HECTD4: variants seen among roughly 807,000 people sequenced by gnomAD.
HECTD4 encodes the protein probable E3 ubiquitin-protein ligase HECTD4.
In HECTD4, 114 loss-of-function variants were observed where a neutral mutation model predicts 471.5. The ratio of observed to expected loss-of-function variants is 0.24; its 90% confidence interval spans 0.21 to 0.28. HECTD4 has a LOEUF of 0.28. Among genes scored for constraint, HECTD4 ranks in the 10% least tolerant of loss-of-function variants. The pLI is 1.00. For missense variants in HECTD4, 3,866 were observed against 5,651.5 expected (o/e 0.68, Z 10.13); for synonymous variants, 2,012 against 2,256.0 (o/e 0.89, Z 3.07).
intron 49 of HECTD4, among the ~76,000 whole-genome samples, chr12:112,211,840 G>T (rs926151895): frequency 5.9e-5 from 9 of 152,168 alleles, no homozygotes; most frequent in African/African-American, 1.9e-4. Flanking sequence ...CTTTGGGTTT[G>T]GGGGAGAGTT....
Position 112,343,319 on chromosome 12 carries a change from A to T in HECTD4, c.178-23577T>A, listed in dbSNP as rs186070853. ...ATTATTTGACATTCTATTTCTTTGAACACTATTTCTAAATAAATTAATTAA... is the reference window on the plus strand; with the variant it reads ...ATTATTTGACATTCTATTTCTTTGATCACTATTTCTAAATAAATTAATTAA... On this transcript the variant is annotated intron_variant, in intron 1 of 75. Transcript: ENST00000682272. Among the ~76,000 whole-genome samples, 367 of 152,360 alleles carry T rather than the reference A, an allele frequency of 2.4e-3. 1 individual carries two copies. The highest frequency in any genetic ancestry group is 7.1e-3 in the African/African-American group (295 of 41,574).
At chr12:112,366,932 A>G (rs2036572354) in intron 1 of HECTD4, among the ~76,000 whole-genome samples, 2 of 146,804 alleles carry the variant, frequency 1.4e-5, no homozygotes, top group South Asian at 4.3e-4. Context: ...GCTTGTTACT[A>G]TTTTTTTTTT....
chr12:112,231,775 T>A (rs2033386974), intron 38 of HECTD4, 60 bp from the exon 39 acceptor site: 1 of 1,414,358 alleles, frequency 7.1e-7, no homozygotes, highest in Non-Finnish European at 9.7e-7. Flanking sequence ...ACTATATTTT[T>A]CAAGTCTATT....
Position 112,248,020 on chromosome 12 carries a change from C to T in HECTD4, c.4248+47G>A, listed in dbSNP as rs765191827. Reference sequence around the variant, plus strand: ...CACACACACACAGTATATACCTTTGCTCTCTAAATGGCAATACCCCAGTGA... The same window carrying T: ...CACACACACACAGTATATACCTTTGTTCTCTAAATGGCAATACCCCAGTGA... On this transcript the variant is annotated intron_variant, in intron 27 of 75. Coordinates refer to ENST00000682272, the MANE Select transcript of HECTD4 (RefSeq NM_001388303.1). 6 of 1,316,032 alleles carry T rather than the reference C, an allele frequency of 4.6e-6. 1 individual carries two copies. In the South Asian group the frequency reaches 6.2e-5, roughly 14 times the overall value. 81.5% of individuals were successfully genotyped at this position (1,316,032 alleles called of 1,614,324 possible).
At chr12:112,204,676 C>A in intron 52 of HECTD4, 53 bp from the exon 53 acceptor site, 1 of 1,388,184 alleles carries the variant, frequency 7.2e-7, no homozygotes, top group South Asian at 1.3e-5. Context: ...CACAGATCAA[C>A]CATGACACTG....
intron 54 of HECTD4, chr12:112,203,013 C>G (rs746044530): frequency 2.0e-5 from 3 of 152,132 alleles, no homozygotes; most frequent in African/African-American, 7.3e-5. Context: ...AACACTGACG[C>G]CATCACAGCT....
chr12:112,357,958 T>C (rs2036375144), intron 1 of HECTD4, among the ~76,000 whole-genome samples: 1 of 152,188 alleles, frequency 6.6e-6, no homozygotes, highest in African/African-American at 2.4e-5. Context: ...ATCCCAGCAC[T>C]TTGGGAAGCC....
intron 7 of HECTD4, chr12:112,302,695 T>A (rs2035190117): frequency 4.3e-6 from 2 of 464,152 alleles, no homozygotes; most frequent in Non-Finnish European, 7.6e-6. Flanking sequence ...GCCAGTTAGC[T>A]GTTTTTTAAC....
At position 112,239,318 on chromosome 12, in the gene HECTD4, T is replaced by A. The variant is rs1268329676; in HGVS notation, c.5106-82A>T. 1.1e-5 allele frequency: 13 copies of A among 1,215,908 alleles called. No homozygotes were observed. The highest frequency in any genetic ancestry group is 8.6e-5 in the South Asian group (5 of 58,324). 75.3% of individuals were successfully genotyped at this position (1,215,908 alleles called of 1,614,324 possible). A position where few individuals can be genotyped will look rare whatever the true frequency, so the allele number is the denominator to read the frequency against. On this transcript the variant is annotated intron_variant, in intron 33 of 75. Coordinates refer to ENST00000682272, the MANE Select transcript of HECTD4 (RefSeq NM_001388303.1). The surrounding 1 kb of genome is among the most constrained non-coding windows in gnomAD (Gnocchi z 4.9). ...CTCTCATGTGAGGTTCAAAGGGGCA[T>A]AAAACATGCTGGTGCAGCTCTTTCC...
chr12:112,267,271 C>A, intron 13 of HECTD4: 2 of 342,286 alleles, frequency 5.8e-6, no homozygotes, highest in South Asian at 4.5e-5. Context: ...CAAGGGTATA[C>A]GAGTAGCTGC....
chr12:112,299,485 T>C (rs900297885), intron 7 of HECTD4, among the ~76,000 whole-genome samples: 1 of 151,970 alleles, frequency 6.6e-6, no homozygotes, highest in Non-Finnish European at 1.5e-5. Flanking sequence ...TAGCCAGGCA[T>C]GGTGGCACGT....
intron 44 of HECTD4, among the ~76,000 whole-genome samples, chr12:112,224,179 C>G (rs1161885054): frequency 6.6e-6 from 1 of 152,072 alleles, no homozygotes; most frequent in Non-Finnish European, 1.5e-5. Context: ...GTTTTTATCA[C>G]TAACTGACAT....
In HECTD4 at chr12:112,256,309, T is replaced by C. The variant is rs2034008479; in HGVS notation, c.3327+11A>G. On this transcript the variant is annotated intron_variant, in intron 21 of 75. Transcript: ENST00000682272. Reference sequence around the variant, plus strand: ...CGAGGTGGAACCAATAGTAACCCAGTTCTTACTTACTTTGTCATAGTCATA... The same window carrying C: ...CGAGGTGGAACCAATAGTAACCCAGCTCTTACTTACTTTGTCATAGTCATA... 1.3e-6 allele frequency: 2 copies of C among 1,553,820 alleles called. No homozygotes were observed. Among genetic ancestry groups the C allele is most frequent in the African/African-American group, 1.4e-5 (1 of 72,238 alleles).
At position 112,243,461 on chromosome 12, in the gene HECTD4, C is replaced by T. The variant is rs1232527744; in HGVS notation, c.4850G>A (p.Arg1617His). ...AQTRWRRGNTRKQALVHMREL... is the reference protein window; with the variant it reads ...AQTRWRRGNTHKQALVHMREL... ...CCGCATGTGCACCAGTGCCTGCTTG[C>T]GAGTGTTTCCCCGCCGCCACCTTGT... Residue 1617 changes from arginine (R) to histidine (H), a missense_variant, in exon 32 of 76, where the codon CGC becomes CAC. Coordinates refer to ENST00000682272, the MANE Select transcript of HECTD4 (RefSeq NM_001388303.1). This position sits in a 1 kb window ranked among gnomAD's most constrained non-coding sequence, Gnocchi z 6.6. 6.2e-7 allele frequency: 1 copy of T among 1,608,670 alleles called. No individual in the cohort carries two copies. The highest frequency in any genetic ancestry group is 8.5e-7 in the Non-Finnish European group (1 of 1,177,668).
chr12:112,305,912 C>T (rs1594029854), intron 7 of HECTD4, among the ~76,000 whole-genome samples, 152 bp downstream of exon 7: 2 of 152,284 alleles, frequency 1.3e-5, no homozygotes, highest in Non-Finnish European at 2.9e-5. Flanking sequence ...ACAAAGAAAC[C>T]TTCAAAGACA....
At chr12:112,201,025 T>C in intron 54 of HECTD4, 1 of 590,208 alleles carries the variant, frequency 1.7e-6, no homozygotes, top group Admixed American at 2.5e-5. Flanking sequence ...GTAATCTTAT[T>C]ACTATATAAA....
At position 112,193,751 on chromosome 12, in the gene HECTD4, G is replaced by A; in HGVS notation, c.8750-77C>T. 2 of 1,330,738 alleles carry A rather than the reference G, an allele frequency of 1.5e-6. No homozygotes were observed. The highest frequency in any genetic ancestry group is 4.0e-5 in the Admixed American group (2 of 50,542). 82.4% of individuals were successfully genotyped at this position (1,330,738 alleles called of 1,614,324 possible). A position where few individuals can be genotyped will look rare whatever the true frequency, so the allele number is the denominator to read the frequency against. ...TGTGAGAGTCTAAGTAACAGAAAAT[G>A]AATAACCCATCCAGAAACCCCAGAT... On this transcript the variant is annotated intron_variant, in intron 56 of 75. Transcript: ENST00000682272. The surrounding 1 kb of genome is among the most constrained non-coding windows in gnomAD (Gnocchi z 5.2).
At chr12:112,169,228 A>G (rs1011127789) in intron 70 of HECTD4, among the ~76,000 whole-genome samples, 1 of 152,178 alleles carries the variant, frequency 6.6e-6, no homozygotes, top group African/African-American at 2.4e-5. Flanking sequence ...CTCCTCAGCC[A>G]GGGCCCTTCC....
intron 1 of HECTD4, among the ~76,000 whole-genome samples, chr12:112,372,592 G>C (rs957446879): frequency 6.6e-6 from 1 of 151,760 alleles, no homozygotes; most frequent in Non-Finnish European, 1.5e-5. Context: ...CCCATGTCTA[G>C]CTAATTTTAA....
Sources: allele counts gnomAD v4.1 joint callset (sites outside exome capture counted in the v4.1 genomes callset), GRCh38; gene constraint gnomAD v4.1.1; non-coding constraint Gnocchi (gnomAD v3.1); transcripts MANE v1.5; gene names NCBI Gene and HGNC (gene_info 2026-07-23, HGNC 2026-07-21).